The following SPOCK3 variants were observed in gnomAD, a reference collection of about 807,000 sequenced individuals.
SPOCK3 encodes testican-3.
A neutral mutation model predicts 56.6 loss-of-function variants in SPOCK3; 30 were observed. The observed-to-expected ratio is 0.53, with a 90% confidence interval of 0.40 to 0.72. The LOEUF is 0.72. SPOCK3 is among the 30% of genes least tolerant of loss of function. The pLI is 0.00. For synonymous variants in SPOCK3, 196 were observed against 183.3 expected, an observed-to-expected ratio of 1.07 and a Z score of -0.56; for missense variants, 527 against 530.0, an observed-to-expected ratio of 0.99 and a Z score of 0.06.
In SPOCK3 at chr4:166,850,475, G is replaced by A. The variant is rs551250674; in HGVS notation, c.589+38655C>T. Among the ~76,000 whole-genome samples the A allele has an allele frequency of 2.4e-4, 37 of 152,340 alleles. No individual in the cohort carries two copies. The East Asian group carries it at 5.2e-3, about 21-fold the overall frequency. On this transcript the variant is annotated intron_variant, in intron 6 of 10. Transcript: ENST00000357545. ...AATTTCGGGAGGAGCCAAGGTGGCCGAATAGGAACAGCTCCCATCTACAGC... is the reference window on the plus strand; with the variant it reads ...AATTTCGGGAGGAGCCAAGGTGGCCAAATAGGAACAGCTCCCATCTACAGC...
At chr4:166,811,251 G>A (rs1185569096) in intron 6 of SPOCK3, among the ~76,000 whole-genome samples, 1 of 148,648 alleles carries the variant, frequency 6.7e-6, no homozygotes, top group Non-Finnish European at 1.5e-5. Context: ...TGTTTCTTGG[G>A]TTTAATTTGT....
chr4:166,783,395 C>A (rs1227432459), intron 7 of SPOCK3, among the ~76,000 whole-genome samples: 22 of 152,030 alleles, frequency 1.4e-4, no homozygotes, highest in Admixed American at 1.4e-3. Context: ...CCATATAACT[C>A]AGGCTGCTAA....
At position 166,785,331 on chromosome 4, in the gene SPOCK3, A is replaced by T. The variant is rs186106361; in HGVS notation, c.709+6839T>A. On this transcript the variant is annotated intron_variant, in intron 7 of 10. Transcript: ENST00000357545. ...TTAAAAAATAATGACAGACTGTATA[A>T]ACTCCATTTTTTAAAGCTATGACAT... Among the ~76,000 whole-genome samples the T allele has an allele frequency of 3.3e-5, 5 of 152,200 alleles. No homozygotes were observed. The East Asian group carries it at 9.7e-4, about 29-fold the overall frequency.
intron 4 of SPOCK3, among the ~76,000 whole-genome samples, chr4:166,981,118 C>T (rs1455568540): frequency 6.6e-6 from 1 of 151,988 alleles, no homozygotes; most frequent in Admixed American, 6.6e-5. Flanking sequence ...GCAGGCAGGT[C>T]GTTCCAACAA....
At chr4:167,066,126 CT>C (rs1231713719) in intron 2 of SPOCK3, among the ~76,000 whole-genome samples, 8 of 151,812 alleles carry the variant, frequency 5.3e-5, no homozygotes, top group Non-Finnish European at 1.2e-4. Flanking sequence ...TTTAAACTGT[CT>C]TTTTCCTTGT....
At chr4:166,907,247 G>A (rs188015522) in intron 5 of SPOCK3, among the ~76,000 whole-genome samples, 159 of 152,146 alleles carry the variant, frequency 1.0e-3, no homozygotes, top group African/African-American at 3.4e-3. Context: ...GCAACAAGCT[G>A]TGGGAAACAC....
intron 2 of SPOCK3, among the ~76,000 whole-genome samples, chr4:167,078,660 C>T (rs912461615): frequency 6.6e-6 from 1 of 151,398 alleles, no homozygotes; most frequent in Non-Finnish European, 1.5e-5. Context: ...CCCATAATCA[C>T]CCTATGATGC....
In SPOCK3 at chr4:166,993,299, C is replaced by T. The variant is rs1015513464; in HGVS notation, c.350+7050G>A. 5.3e-5 allele frequency among the ~76,000 whole-genome samples: 8 copies of T among 152,246 alleles called. 1 individual carries two copies. The highest frequency in any genetic ancestry group is 3.3e-4 in the Admixed American group (5 of 15,282). ...GCTATGCTCACTCAAAAAAAATTGA[C>T]ATCCCTTGAGGCGTCTAGTGCCTAT... On this transcript the variant is annotated intron_variant, in intron 4 of 10. Coordinates refer to ENST00000357545, the MANE Select transcript of SPOCK3 (RefSeq NM_001040159.2).
At chr4:166,957,843 A>T (rs542733337) in intron 4 of SPOCK3, among the ~76,000 whole-genome samples, 1 of 152,280 alleles carries the variant, frequency 6.6e-6, no homozygotes, top group African/African-American at 2.4e-5. Flanking sequence ...TCTTGGAAGT[A>T]ACCAATTTGT....
chr4:166,822,350 G>A (rs1404189012), intron 6 of SPOCK3, among the ~76,000 whole-genome samples: 2 of 152,006 alleles, frequency 1.3e-5, no homozygotes, highest in Non-Finnish European at 2.9e-5. Context: ...GTCACACAGA[G>A]TCATTATGGG....
chr4:167,007,508 A>G (rs1319812812), intron 3 of SPOCK3, among the ~76,000 whole-genome samples: 1 of 151,846 alleles, frequency 6.6e-6, no homozygotes, highest in East Asian at 1.9e-4. Context: ...GAGACTGCCT[A>G]TTCTGAGGGC....
At chr4:166,923,348 C>T (rs143412494) in intron 4 of SPOCK3, among the ~76,000 whole-genome samples, 2 of 152,278 alleles carry the variant, frequency 1.3e-5, no homozygotes, top group Middle Eastern at 6.8e-3. Flanking sequence ...GTAATATTCA[C>T]TCTTATGCTT....
intron 2 of SPOCK3, among the ~76,000 whole-genome samples, chr4:167,067,871 T>C (rs1187266708): frequency 6.6e-6 from 1 of 151,848 alleles, no homozygotes; most frequent in Non-Finnish European, 1.5e-5. Context: ...CAATTGATGT[T>C]ACATTGTTTA....
chr4:167,010,412 A>C (rs1473182597), intron 3 of SPOCK3, among the ~76,000 whole-genome samples: 1 of 151,320 alleles, frequency 6.6e-6, no homozygotes, highest in Non-Finnish European at 1.5e-5. Context: ...CCAGCTACTC[A>C]GAAAGCTGAG....
At chr4:166,830,427 T>C (rs1286314772) in intron 6 of SPOCK3, among the ~76,000 whole-genome samples, 1 of 152,132 alleles carries the variant, frequency 6.6e-6, no homozygotes, top group Non-Finnish European at 1.5e-5. Context: ...AAAGGAACCA[T>C]TCTTCTTCAG....
chr4:167,057,910 T>C (rs1345802561), intron 3 of SPOCK3, among the ~76,000 whole-genome samples: 1 of 151,790 alleles, frequency 6.6e-6, no homozygotes, highest in East Asian at 1.9e-4. Context: ...TACCCAGGAG[T>C]TAAACTCAGC....
chr4:166,907,989 C>T (rs2127080926), intron 5 of SPOCK3, among the ~76,000 whole-genome samples: 1 of 151,972 alleles, frequency 6.6e-6, no homozygotes, highest in South Asian at 2.1e-4. Flanking sequence ...ATGATCTCAG[C>T]TCTAAATATT....
At chr4:166,996,258 A>G (rs1406441759) in intron 4 of SPOCK3, among the ~76,000 whole-genome samples, 2 of 152,130 alleles carry the variant, frequency 1.3e-5, no homozygotes, top group African/African-American at 4.8e-5. Context: ...CCTACAACTT[A>G]TTCAACCTTA....
At chr4:167,223,043 T>A (rs1736173655) in intron 2 of SPOCK3, among the ~76,000 whole-genome samples, 1 of 118,384 alleles carries the variant, frequency 8.4e-6, no homozygotes, top group Admixed American at 9.5e-5. Flanking sequence ...ATATTTTATA[T>A]ATGAATATAT....
Sources: gnomAD v4.1 joint callset for allele counts (sites outside exome capture counted in the v4.1 genomes callset) on GRCh38, gnomAD v4.1.1 for gene constraint, MANE v1.5 for transcripts, NCBI Gene and HGNC (gene_info 2026-07-23, HGNC 2026-07-21) for gene names.